Variants in PRKCQ observed in about 807,000 individuals in gnomAD.
PRKCQ encodes the protein protein kinase C theta type.
Under a neutral mutation model 91.2 loss-of-function variants are expected in PRKCQ, and 41 were observed. The observed-to-expected ratio is 0.45, with a 90% CI of 0.35 to 0.58. The LOEUF (loss-of-function observed/expected upper bound fraction) is 0.58. PRKCQ is among the 20% of genes least tolerant of loss of function. PRKCQ has a pLI of 0.00. For synonymous variants in PRKCQ, 307 were observed against 316.9 expected (o/e 0.97, Z 0.33); for missense variants, 673 against 896.5 (o/e 0.75, Z 3.18).
chr10:6,563,544 G>A (rs755341870), intron 1 of PRKCQ, among the ~76,000 whole-genome samples: 18 of 152,196 alleles, frequency 1.2e-4, no homozygotes, highest in Non-Finnish European at 5.9e-5. Flanking sequence ...GCTTGTTCGC[G>A]TCTCTTGACT....
At chr10:6,458,227 C>A (rs943456) in intron 14 of PRKCQ, among the ~76,000 whole-genome samples, 31,384 of 152,202 alleles carry the variant, frequency 0.21, 3,929 homozygotes, top group Non-Finnish European at 0.27. Context: ...AGCCACTGCG[C>A]CTGGCCAGCT....
At chr10:6,463,375 C>A (rs574945300) in intron 13 of PRKCQ, among the ~76,000 whole-genome samples, 1 of 152,110 alleles carries the variant, frequency 6.6e-6, no homozygotes, top group South Asian at 2.1e-4. Flanking sequence ...GGATGGATAG[C>A]GTGGGTCCGG....
intron 12 of PRKCQ, among the ~76,000 whole-genome samples, chr10:6,471,101 C>T (rs139272779): frequency 1.3e-5 from 2 of 152,218 alleles, no homozygotes; most frequent in African/African-American, 4.8e-5. Context: ...CTTCCTGGCA[C>T]CTGAGTTAGC....
the PRKCQ span, among the ~76,000 whole-genome samples, chr10:6,402,655 G>A: frequency 6.6e-6 from 1 of 152,236 alleles, no homozygotes; most frequent in Non-Finnish European, 1.5e-5. Context: ...TCTATTAAGG[G>A]CCGGGCAGGG....
chr10:6,473,546 G>A (rs1836107092), intron 12 of PRKCQ, among the ~76,000 whole-genome samples: 1 of 152,224 alleles, frequency 6.6e-6, no homozygotes, highest in Non-Finnish European at 1.5e-5. Flanking sequence ...GCCAGAGGAC[G>A]TTAAAGAAAA....
Position 6,502,525 on chromosome 10 carries a change from C to T in PRKCQ, c.380-3967G>A, listed in dbSNP as rs1312410707. ...TCACTTCCAGAAGATGTGTAGGTGT[C>T]AGATCAGTTTGAACACTTTCCTGCA... On this transcript the variant is annotated intron_variant, in intron 4 of 17. Coordinates refer to ENST00000263125, the MANE Select transcript of PRKCQ (RefSeq NM_006257.5). Among the ~76,000 whole-genome samples, 4 of 152,168 alleles carry T rather than the reference C, an allele frequency of 2.6e-5. No homozygotes were observed. In the East Asian group the frequency reaches 5.8e-4, roughly 22 times the overall value.
intron 14 of PRKCQ, among the ~76,000 whole-genome samples, chr10:6,460,606 C>T (rs1483276896): frequency 6.6e-6 from 1 of 152,058 alleles, no homozygotes; most frequent in Non-Finnish European, 1.5e-5. Context: ...ATTCTTGTGC[C>T]TCAGCTTCTA....
the PRKCQ span, among the ~76,000 whole-genome samples, chr10:6,418,998 T>TCTATCTTG: frequency 6.9e-6 from 1 of 145,866 alleles, no homozygotes; most frequent in African/African-American, 2.5e-5. Context: ...TATCTATCTA[T>TCTATCTTG]CTATCTTGCT....
chr10:6,562,498 G>A (rs1840673042), intron 1 of PRKCQ, among the ~76,000 whole-genome samples: 1 of 152,138 alleles, frequency 6.6e-6, no homozygotes, highest in Non-Finnish European at 1.5e-5. Flanking sequence ...CAGAGTGAGT[G>A]TTCTCTCCAT....
rs1221756246 is a variant in PRKCQ, at chr10:6,558,829, A to G, written c.-10+21382T>C. On this transcript the variant is annotated intron_variant, in intron 1 of 17. Coordinates refer to ENST00000263125, the MANE Select transcript of PRKCQ (RefSeq NM_006257.5). ...GGGAAAATTCTCAGAGACAGTCTTT[A>G]TCCTTAGGGTGTAAGAGAAGGGGGC... Among the ~76,000 whole-genome samples the G allele has an allele frequency of 2.6e-5, 4 of 152,224 alleles. No individual in the cohort carries two copies. The East Asian group carries it at 7.7e-4, about 29-fold the overall frequency.
At chr10:6,403,803 C>T in the PRKCQ span, among the ~76,000 whole-genome samples, 2 of 150,064 alleles carry the variant, frequency 1.3e-5, no homozygotes, top group South Asian at 4.3e-4. Flanking sequence ...AGTTGGTGCT[C>T]GATAATTGTT....
At chr10:6,514,968 A>G in intron 2 of PRKCQ, 50 bp downstream of exon 2, 1 of 1,611,068 alleles carries the variant, frequency 6.2e-7, no homozygotes, top group Non-Finnish European at 8.5e-7. Context: ...CACAGTTCAT[A>G]GCAGGATTCT....
At chr10:6,579,960 C>A (rs575290823) in intron 1 of PRKCQ, among the ~76,000 whole-genome samples, 77 of 152,164 alleles carry the variant, frequency 5.1e-4, no homozygotes, top group Middle Eastern at 3.4e-3. Flanking sequence ...CCCAGGCCGG[C>A]GGCCCCCACC....
At chr10:6,566,437 A>T (rs931297289) in intron 1 of PRKCQ, among the ~76,000 whole-genome samples, 5 of 152,160 alleles carry the variant, frequency 3.3e-5, no homozygotes, top group Non-Finnish European at 5.9e-5. Flanking sequence ...AAACAGCTAC[A>T]AAATATTCGA....
intron 12 of PRKCQ, among the ~76,000 whole-genome samples, chr10:6,472,118 C>A (rs1292829106): frequency 6.6e-6 from 1 of 152,174 alleles, no homozygotes; most frequent in African/African-American, 2.4e-5. Context: ...ACTATCCTGG[C>A]TAACACGGTG....
chr10:6,549,469 G>C (rs1483463416), intron 1 of PRKCQ, among the ~76,000 whole-genome samples: 2 of 152,046 alleles, frequency 1.3e-5, no homozygotes, highest in African/African-American at 4.8e-5. Flanking sequence ...TGAGGGCAGG[G>C]AATCAGAAAA....
chr10:6,449,245 G>A (rs374081165), intron 15 of PRKCQ, among the ~76,000 whole-genome samples: 1 of 148,624 alleles, frequency 6.7e-6, no homozygotes, highest in South Asian at 2.2e-4. Context: ...TAAAGGAGCT[G>A]ATGGAGCTGA....
At chr10:6,566,961 A>G (rs941127615) in intron 1 of PRKCQ, among the ~76,000 whole-genome samples, 1 of 152,190 alleles carries the variant, frequency 6.6e-6, no homozygotes, top group Non-Finnish European at 1.5e-5. Context: ...TGGTAACTGG[A>G]GGGAAATAAA....
At chr10:6,418,543 C>T in the PRKCQ span, among the ~76,000 whole-genome samples, 23 of 152,240 alleles carry the variant, frequency 1.5e-4, no homozygotes, top group East Asian at 4.2e-3. Context: ...GAGACTTTCC[C>T]TATCCTCACC....
Sources: allele counts gnomAD v4.1 joint callset (sites outside exome capture counted in the v4.1 genomes callset), GRCh38; gene constraint gnomAD v4.1.1; transcripts MANE v1.5; gene names NCBI Gene and HGNC (gene_info 2026-07-23, HGNC 2026-07-21).